MYH10: variants seen among roughly 807,000 people sequenced by gnomAD.
MYH10 encodes myosin-10.
A neutral mutation model predicts 257.8 loss-of-function variants in MYH10; 55 were observed. The ratio of observed to expected loss-of-function variants is 0.21; its 90% CI spans 0.17 to 0.27. The LOEUF is 0.27. MYH10 is among the 10% of genes least tolerant of loss of function. MYH10 has a pLI of 1.00. For missense variants in MYH10, 1,631 were observed against 2,500.6 expected (o/e 0.65, Z 7.42); for synonymous variants, 854 against 921.7 (o/e 0.93, Z 1.33).
intron 28 of MYH10, among the ~76,000 whole-genome samples, 177 bp from the exon 29 acceptor site, chr17:8,501,147 T>C (rs1917446764): frequency 6.6e-6 from 1 of 152,172 alleles, no homozygotes; most frequent in African/African-American, 2.4e-5. Flanking sequence ...GAAATCCTCC[T>C]AGAGAGCTGA....
In MYH10 at chr17:8,508,604, T is replaced by G. The variant is rs867571967; in HGVS notation, c.3164A>C (p.Asn1055Thr). Residue 1055 changes from asparagine to threonine, a missense_variant, in exon 26 of 43, where the codon AAC (asparagine) becomes ACC (threonine). By Grantham distance (65) the Asn-to-Thr change is moderately conservative (BLOSUM62 0). Around this residue, in one of 11 missense-constraint regions of MYH10, gnomAD observed 169 missense variants for 249.8 expected, o/e 0.68. Transcript: ENST00000360416. ...QLAEEEEKAK[N>T]LAKIRNKQEV... ...TTGCTTATTCCTGATTTTGGCCAAG[T>G]TTTTCGCCTTTTCTTCCTCTTCAGC... is the stretch of plus-strand genomic sequence containing the variant. 6 of 1,613,994 alleles carry G rather than the reference T, an allele frequency of 3.7e-6. No homozygotes were observed. The South Asian group carries it at 5.5e-5, about 15-fold the overall frequency.
Position 8,493,890 on chromosome 17 carries a change from G to GT in MYH10, c.4057-6dup, listed in dbSNP as rs749707698. 13,171 of 1,299,504 alleles carry GT rather than the reference G, an allele frequency of 0.01. 1 individual carries two copies. The highest frequency in any genetic ancestry group is 0.02 in the South Asian group (1,327 of 66,196). The allele number at this position is 1,299,504 out of a possible 1,614,324, so 80.5% of individuals were successfully genotyped here. A position where few individuals can be genotyped will look rare whatever the true frequency, so the allele number is the denominator to read the frequency against. ...TGTCTCCTCCTGAAGAAGCTCCTGTGTTTTTTTTTTAAAGGGCAACACTTC... is the reference window on the plus strand; with the variant it reads ...TGTCTCCTCCTGAAGAAGCTCCTGTGTTTTTTTTTTTAAAGGGCAACACTTC... On this transcript the variant is annotated splice_region_variant and splice_polypyrimidine_tract_variant and intron_variant, in intron 31 of 42. Coordinates refer to ENST00000360416, the MANE Select transcript of MYH10 (RefSeq NM_001256012.3).
At chr17:8,566,340 T>C (rs140502860) in intron 7 of MYH10, among the ~76,000 whole-genome samples, 1 of 152,230 alleles carries the variant, frequency 6.6e-6, no homozygotes, top group African/African-American at 2.4e-5. Context: ...TCAGGGTTGG[T>C]TTGTATAACC....
At chr17:8,489,863 A>G (rs1383526127) in intron 35 of MYH10, among the ~76,000 whole-genome samples, 1 of 152,260 alleles carries the variant, frequency 6.6e-6, no homozygotes, top group African/African-American at 2.4e-5. Context: ...AGTGTCTAAT[A>G]TACATTCAGA....
In MYH10 at chr17:8,585,288, G is replaced by GTATATATATATATATATATA. The variant is rs71159599; in HGVS notation, c.530+3792_530+3793insTATATATATATATATATATA. On this transcript the variant is annotated intron_variant, in intron 4 of 42. Transcript: ENST00000360416. ...TATATATATGTGCATGTGTGTGTGTGTATATATATATATATATAGCTACAT... is the reference window on the plus strand; with the variant it reads ...TATATATATGTGCATGTGTGTGTGTGTATATATATATATATATATATATATATATATATATATAGCTACAT... Among the ~76,000 whole-genome samples the GTATATATATATATATATATA allele has an allele frequency of 3.3e-3, 323 of 99,282 alleles. 3 individuals carry two copies. Among genetic ancestry groups the GTATATATATATATATATATA allele is most frequent in the Middle Eastern group, 5.4e-3 (1 of 184 alleles). 65.1% of individuals were successfully genotyped at this position (99,282 alleles called of 152,430 possible). A position where few individuals can be genotyped will look rare whatever the true frequency, so the allele number is the denominator to read the frequency against.
At chr17:8,579,238 C>T (rs752820802) in intron 4 of MYH10, among the ~76,000 whole-genome samples, 7 of 151,656 alleles carry the variant, frequency 4.6e-5, no homozygotes, top group African/African-American at 9.7e-5. Flanking sequence ...GTGATTGTGC[C>T]ACTGCACCCC....
chr17:8,566,658 C>T (rs1036005550), intron 7 of MYH10, among the ~76,000 whole-genome samples: 1 of 152,182 alleles, frequency 6.6e-6, no homozygotes, highest in Non-Finnish European at 1.5e-5. Flanking sequence ...GACCCTGGGC[C>T]AGAGTCACCC....
intron 3 of MYH10, among the ~76,000 whole-genome samples, chr17:8,589,421 G>A (rs548087999): frequency 2.0e-5 from 3 of 152,180 alleles, no homozygotes; most frequent in Admixed American, 6.5e-5. Context: ...AAATTCAACC[G>A]GGAAGTTTTA....
At chr17:8,563,479 A>G (rs1314045220) in intron 7 of MYH10, among the ~76,000 whole-genome samples, 1 of 152,236 alleles carries the variant, frequency 6.6e-6, no homozygotes, top group Non-Finnish European at 1.5e-5. Flanking sequence ...CAAGGGAACA[A>G]GTGTTGAGAC....
intron 7 of MYH10, among the ~76,000 whole-genome samples, chr17:8,559,274 C>T (rs1276663693): frequency 1.3e-5 from 2 of 152,138 alleles, no homozygotes; most frequent in Non-Finnish European, 2.9e-5. Context: ...CAATTTCCTT[C>T]TCACTGACAT....
chr17:8,594,651 G>A (rs1257286604), intron 3 of MYH10, among the ~76,000 whole-genome samples: 2 of 152,132 alleles, frequency 1.3e-5, no homozygotes, highest in Non-Finnish European at 2.9e-5. Context: ...CCCGTTATCT[G>A]TGGGGGATTG....
At chr17:8,554,807 G>A (rs2082737106) in intron 7 of MYH10, among the ~76,000 whole-genome samples, 1 of 152,180 alleles carries the variant, frequency 6.6e-6, no homozygotes, top group Non-Finnish European at 1.5e-5. Flanking sequence ...AAAAAATTTA[G>A]CTGGGCATGG....
chr17:8,600,463 CATT>C (rs1206627258), intron 3 of MYH10, among the ~76,000 whole-genome samples: 10 of 152,172 alleles, frequency 6.6e-5, no homozygotes, highest in Admixed American at 6.5e-5. Flanking sequence ...ACTACTGAAA[CATT>C]ATCTGAAAAG....
chr17:8,549,507 C>T (rs917371786), intron 9 of MYH10, among the ~76,000 whole-genome samples: 2 of 152,176 alleles, frequency 1.3e-5, no homozygotes, highest in African/African-American at 2.4e-5. Flanking sequence ...GGCTATTTAT[C>T]GTTATAACAG....
Position 8,591,030 on chromosome 17 carries a change from G to A in MYH10, c.503-1922C>T, listed in dbSNP as rs1294908205. ...TGGGACTACAGGCGCCCGCCACCAC[G>A]CCCGGCTAATTTTTTGTGTTTTTAG... On this transcript the variant is annotated intron_variant, in intron 3 of 42. Coordinates refer to ENST00000360416, the MANE Select transcript of MYH10 (RefSeq NM_001256012.3). Among the ~76,000 whole-genome samples the A allele has an allele frequency of 4.6e-5, 7 of 151,670 alleles. No individual in the cohort carries two copies. In the South Asian group the frequency reaches 1.3e-3, roughly 27 times the overall value.
chr17:8,486,311 G>A (rs184583029), intron 36 of MYH10, among the ~76,000 whole-genome samples: 109 of 152,184 alleles, frequency 7.2e-4, no homozygotes, highest in Non-Finnish European at 1.4e-3. Flanking sequence ...CTAAACTGGC[G>A]AATTGTGTGG....
In MYH10 at chr17:8,565,835, C is replaced by T. The variant is rs192627992; in HGVS notation, c.756+3885G>A. ...TACCAGCAGAATGTAAAATAGGTTT[C>T]TATCAGACTTGATTGTCAACCTTTG... is the stretch of plus-strand genomic sequence containing the variant. On this transcript the variant is annotated intron_variant, in intron 7 of 42. Coordinates refer to ENST00000360416, the MANE Select transcript of MYH10 (RefSeq NM_001256012.3). Among the ~76,000 whole-genome samples, 452 of 152,322 alleles carry T rather than the reference C, an allele frequency of 3.0e-3. 3 individuals are homozygous for T. Among genetic ancestry groups the T allele is most frequent in the African/African-American group, 1.0e-2 (415 of 41,564 alleles).
At chr17:8,629,738 G>A (rs1445120344) in intron 1 of MYH10, among the ~76,000 whole-genome samples, 1 of 152,118 alleles carries the variant, frequency 6.6e-6, no homozygotes, top group Non-Finnish European at 1.5e-5. Flanking sequence ...CGAGGCGAGT[G>A]CTGACCCTCC....
Position 8,477,080 on chromosome 17 carries a change from A to C in MYH10, c.5707-32T>G, listed in dbSNP as rs932508807. The C allele has an allele frequency of 2.6e-5, 42 of 1,611,498 alleles. No individual in the cohort carries two copies. The highest frequency in any genetic ancestry group is 3.3e-5 in the Non-Finnish European group (39 of 1,178,800). On this transcript the variant is annotated intron_variant, in intron 41 of 42. Transcript: ENST00000360416. This position sits in a 1 kb window ranked among gnomAD's most constrained non-coding sequence, Gnocchi z 4.2. ...GAGGGTACATGAACCAAAACAAACC[A>C]AACTGGTGAATCCAGTGTCGGCCTC...
Sources: gnomAD v4.1 joint callset for allele counts (sites outside exome capture counted in the v4.1 genomes callset) on GRCh38, gnomAD v4.1.1 for gene constraint, gnomAD v4.1.1 regional missense constraint, Gnocchi (gnomAD v3.1) non-coding constraint, MANE v1.5 for transcripts, NCBI Gene and HGNC (gene_info 2026-07-23, HGNC 2026-07-21) for gene names.